Variants in TAFA1 observed in about 807,000 individuals in gnomAD.
TAFA1 encodes the protein TAFA chemokine like family member 1, also known as chemokine-like protein TAFA-1.
TAFA1 carries 4 observed loss-of-function variants against 18.5 expected under a neutral mutation model. That is an observed-to-expected ratio of 0.22 (90% confidence interval 0.11 to 0.49). TAFA1 has a LOEUF of 0.49. Ranked by LOEUF, TAFA1 falls within the 20% of genes least tolerant of loss-of-function variation. The pLI is 0.98. For missense variants in TAFA1, 147 were observed against 169.0 expected (o/e 0.87, Z 0.72); for synonymous variants, 56 against 55.2 (o/e 1.01, Z -0.06).
intron 2 of TAFA1, among the ~76,000 whole-genome samples, chr3:68,372,965 A>C (rs551403926): frequency 6.6e-6 from 1 of 152,266 alleles, no homozygotes; most frequent in South Asian, 2.1e-4. Context: ...TCAGACAGGA[A>C]CATGTAGGGT....
At chr3:68,281,869 C>T (rs538538661) in intron 2 of TAFA1, among the ~76,000 whole-genome samples, 1 of 152,268 alleles carries the variant, frequency 6.6e-6, no homozygotes, top group African/African-American at 2.4e-5. Context: ...TTCTGATCCA[C>T]AGAAGAGAGT....
At chr3:68,155,227 A>G (rs1575649467) in intron 2 of TAFA1, among the ~76,000 whole-genome samples, 1 of 152,284 alleles carries the variant, frequency 6.6e-6, no homozygotes, top group East Asian at 1.9e-4. Flanking sequence ...GTCAGTAGCC[A>G]CTACATCACT....
At chr3:68,138,386 C>T (rs1311171496) in intron 2 of TAFA1, among the ~76,000 whole-genome samples, 1 of 152,168 alleles carries the variant, frequency 6.6e-6, no homozygotes, top group Non-Finnish European at 1.5e-5. Context: ...GAATACAGAG[C>T]TCTAGGAAAG....
chr3:68,335,027 C>T (rs952487916), intron 2 of TAFA1, among the ~76,000 whole-genome samples: 6 of 152,126 alleles, frequency 3.9e-5, no homozygotes, highest in African/African-American at 1.4e-4. Flanking sequence ...ATTAGTGAAC[C>T]TTAGTAACTT....
At chr3:68,354,161 T>TA (rs921767946) in intron 2 of TAFA1, among the ~76,000 whole-genome samples, 1 of 151,860 alleles carries the variant, frequency 6.6e-6, no homozygotes, top group Non-Finnish European at 1.5e-5. Context: ...TTTCTAATTT[T>TA]TTTTTTCTAT....
intron 2 of TAFA1, chr3:68,145,710 C>T: frequency 2.6e-6 from 2 of 762,764 alleles, no homozygotes; most frequent in Non-Finnish European, 4.7e-6. Context: ...TTTGTATTTT[C>T]AATTTATTGG....
At chr3:68,117,178 C>T (rs949486783) in intron 2 of TAFA1, among the ~76,000 whole-genome samples, 2 of 152,320 alleles carry the variant, frequency 1.3e-5, no homozygotes, top group Non-Finnish European at 2.9e-5. Context: ...AACTTACTCT[C>T]CTCATTGCAT....
At chr3:68,049,907 A>G (rs2064446469) in intron 2 of TAFA1, among the ~76,000 whole-genome samples, 1 of 152,076 alleles carries the variant, frequency 6.6e-6, no homozygotes, top group Non-Finnish European at 1.5e-5. Flanking sequence ...TGCTTTGTAG[A>G]GAAAGGGGAA....
intron 2 of TAFA1, among the ~76,000 whole-genome samples, chr3:68,311,732 G>A (rs2068521376): frequency 6.6e-6 from 1 of 152,234 alleles, no homozygotes; most frequent in East Asian, 1.9e-4. Context: ...CTGTTGTTGA[G>A]TGTCTGTGGG....
chr3:68,524,033 A>G (rs1461294534), intron 3 of TAFA1, among the ~76,000 whole-genome samples: 2 of 152,180 alleles, frequency 1.3e-5, no homozygotes, highest in Non-Finnish European at 1.5e-5. Flanking sequence ...GTTGTATAAC[A>G]AATCTCCACA....
intron 2 of TAFA1, among the ~76,000 whole-genome samples, chr3:68,358,927 T>C (rs2069418501): frequency 6.6e-6 from 1 of 151,970 alleles, no homozygotes; most frequent in Non-Finnish European, 1.5e-5. Context: ...AAAGCAATAA[T>C]CATCCAACTT....
chr3:68,395,464 T>C (rs1313168395), intron 2 of TAFA1, among the ~76,000 whole-genome samples: 1 of 152,186 alleles, frequency 6.6e-6, no homozygotes, highest in African/African-American at 2.4e-5. Flanking sequence ...GGATTATAAA[T>C]CATTGCACTA....
intron 3 of TAFA1, among the ~76,000 whole-genome samples, chr3:68,443,481 A>C (rs1257322812): frequency 6.6e-6 from 1 of 151,364 alleles, no homozygotes; most frequent in Non-Finnish European, 1.5e-5. Flanking sequence ...TACAAAAAAA[A>C]AAAAAAAAAA....
At chr3:68,132,039 C>A (rs985692751) in intron 2 of TAFA1, among the ~76,000 whole-genome samples, 1 of 152,138 alleles carries the variant, frequency 6.6e-6, no homozygotes, top group East Asian at 1.9e-4. Flanking sequence ...AGCCCCTCAT[C>A]CCCCGGACAG....
intron 2 of TAFA1, among the ~76,000 whole-genome samples, chr3:68,128,988 T>G (rs1327988246): frequency 6.6e-6 from 1 of 152,234 alleles, no homozygotes; most frequent in Non-Finnish European, 1.5e-5. Context: ...AAATCCCAAC[T>G]TCTACAAATG....
intron 2 of TAFA1, among the ~76,000 whole-genome samples, chr3:68,097,460 C>T (rs1234272948): frequency 7.2e-5 from 11 of 152,122 alleles, no homozygotes; most frequent in Admixed American, 6.6e-4. Context: ...CTAAACACTT[C>T]TCATTTGTCC....
At chr3:68,514,342 C>T (rs1420600988) in intron 3 of TAFA1, among the ~76,000 whole-genome samples, 1 of 152,078 alleles carries the variant, frequency 6.6e-6, no homozygotes. Context: ...TGCATACCTC[C>T]AACTTTGAAA....
intron 2 of TAFA1, among the ~76,000 whole-genome samples, chr3:68,190,561 C>T (rs1435126481): frequency 2.0e-5 from 3 of 151,756 alleles, no homozygotes; most frequent in Non-Finnish European, 4.4e-5. Flanking sequence ...AATGTAAATC[C>T]CAGGCAGTTC....
intron 3 of TAFA1, among the ~76,000 whole-genome samples, chr3:68,473,138 A>G (rs2072032265): frequency 6.6e-6 from 1 of 152,212 alleles, no homozygotes; most frequent in African/African-American, 2.4e-5. Context: ...TACCTCAGCT[A>G]CTTAGGAATC....
Sources: allele counts gnomAD v4.1 joint callset (sites outside exome capture counted in the v4.1 genomes callset), GRCh38; gene constraint gnomAD v4.1.1; transcripts MANE v1.5; gene names NCBI Gene and HGNC (gene_info 2026-07-23, HGNC 2026-07-21).